The following SHANK2 variants were observed in gnomAD, a reference collection of about 807,000 sequenced individuals.
SHANK2 encodes the protein SH3 and multiple ankyrin repeat domains 2, also known as SH3 and multiple ankyrin repeat domains protein 2.
In SHANK2, 43 loss-of-function variants were observed where a neutral mutation model predicts 133.7. The observed-to-expected ratio is 0.32, with a 90% CI of 0.25 to 0.41. SHANK2 has a LOEUF of 0.41. Among genes scored for constraint, SHANK2 ranks in the 10% least tolerant of loss-of-function variants. SHANK2 has a pLI of 1.00. For synonymous variants in SHANK2, 1,017 were observed against 952.8 expected (o/e 1.07, Z -1.24); for missense variants, 1,994 against 2,235.8 (o/e 0.89, Z 2.18).
intron 11 of SHANK2, among the ~76,000 whole-genome samples, chr11:70,844,617 T>C (rs1948967449): frequency 6.6e-6 from 1 of 152,208 alleles, no homozygotes; most frequent in South Asian, 2.1e-4. Flanking sequence ...TACGTAATAT[T>C]CCTGGAGGAT....
chr11:70,655,762 TGGGTCGA>T (rs1555011424), intron 17 of SHANK2, among the ~76,000 whole-genome samples: 1 of 152,122 alleles, frequency 6.6e-6, no homozygotes, highest in East Asian at 1.9e-4. Flanking sequence ...TGCTTGTGTT[TGGGTCGA>T]GGAGACTTTA....
intron 17 of SHANK2, among the ~76,000 whole-genome samples, chr11:70,525,667 G>A (rs943576853): frequency 2.0e-5 from 3 of 152,016 alleles, no homozygotes; most frequent in Non-Finnish European, 2.9e-5. Flanking sequence ...CCAGGGGAAC[G>A]GAGCCCTGGC....
chr11:70,770,085 G>A (rs1457751207), intron 14 of SHANK2, among the ~76,000 whole-genome samples: 1 of 152,212 alleles, frequency 6.6e-6, no homozygotes, highest in Non-Finnish European at 1.5e-5. Flanking sequence ...GGCTCCCTCT[G>A]ATTCTGGTCG....
chr11:70,512,440 T>C (rs1320784034), intron 17 of SHANK2, among the ~76,000 whole-genome samples: 1 of 152,226 alleles, frequency 6.6e-6, no homozygotes, highest in Non-Finnish European at 1.5e-5. Context: ...CTATGTAAAA[T>C]CTATTCATAG....
chr11:70,524,300 C>T (rs2059368772), intron 17 of SHANK2, among the ~76,000 whole-genome samples: 1 of 152,216 alleles, frequency 6.6e-6, no homozygotes, highest in Non-Finnish European at 1.5e-5. Flanking sequence ...GTGTCGCTCA[C>T]ATCCACGCTC....
At chr11:70,934,687 T>C (rs1185358693) in intron 10 of SHANK2, among the ~76,000 whole-genome samples, 4 of 152,240 alleles carry the variant, frequency 2.6e-5, no homozygotes, top group Non-Finnish European at 4.4e-5. Flanking sequence ...AAAATGCTGC[T>C]GCTGAATATT....
At chr11:70,684,179 C>T (rs972829038) in intron 15 of SHANK2, among the ~76,000 whole-genome samples, 1 of 152,170 alleles carries the variant, frequency 6.6e-6, no homozygotes, top group Non-Finnish European at 1.5e-5. Flanking sequence ...CGGCCCCTCT[C>T]CCAGGGTCTT....
chr11:71,249,191 C>A (rs3020032), intron 1 of SHANK2, among the ~76,000 whole-genome samples: 3 of 152,024 alleles, frequency 2.0e-5, no homozygotes, highest in Non-Finnish European at 4.4e-5. Flanking sequence ...TTCATTCTCC[C>A]GGTGCCCAGG....
intron 1 of SHANK2, among the ~76,000 whole-genome samples, chr11:71,229,083 C>T (rs1380879751): frequency 6.6e-6 from 1 of 152,102 alleles, no homozygotes; most frequent in Non-Finnish European, 1.5e-5. Context: ...TGGGAATTTC[C>T]CCCACTTGAT....
At chr11:70,648,414 G>GT (rs2061297072) in intron 17 of SHANK2, among the ~76,000 whole-genome samples, 1 of 152,234 alleles carries the variant, frequency 6.6e-6, no homozygotes, top group South Asian at 2.1e-4. Context: ...GATAAGCCTT[G>GT]TTATGCGGAC....
chr11:70,489,532 G>T, intron 23 of SHANK2, 184 bp from the exon 24 acceptor site: 1 of 670,080 alleles, frequency 1.5e-6, no homozygotes, highest in East Asian at 2.6e-5. Context: ...CTTTTGCACA[G>T]CAGCCCAGAG....
rs2061467064 is a variant in SHANK2 at position 70,660,407 on chromosome 11, A to G, written c.1937-455T>C. Among the ~76,000 whole-genome samples the G allele has an allele frequency of 2.6e-5, 4 of 152,218 alleles. No homozygotes were observed. In the South Asian group the frequency reaches 8.3e-4, roughly 32 times the overall value. On this transcript the variant is annotated intron_variant, in intron 16 of 25. Transcript: ENST00000601538. ...CAACTTGGAACGCGGACGGAACATC[A>G]CGCTGACCCAGTGGGTGGCTACAGA...
At chr11:70,654,145 C>A (rs1323744015) in intron 17 of SHANK2, 2 of 152,192 alleles carry the variant, frequency 1.3e-5, no homozygotes, top group African/African-American at 4.8e-5. Context: ...AACCTATTTG[C>A]AGAAATTAAC....
intron 17 of SHANK2, among the ~76,000 whole-genome samples, chr11:70,642,300 G>A (rs1319505320): frequency 8.1e-6 from 1 of 123,632 alleles, no homozygotes; most frequent in Non-Finnish European, 1.6e-5. Flanking sequence ...TTAAAACTTT[G>A]ATTTTCCGTT....
At chr11:70,796,238 G>A (rs1323970788) in intron 14 of SHANK2, among the ~76,000 whole-genome samples, 3 of 152,156 alleles carry the variant, frequency 2.0e-5, no homozygotes. Context: ...CCACAGGAGA[G>A]AGGAGGAAGA....
Position 71,113,324 on chromosome 11 carries a change from T to C in SHANK2, c.452A>G (p.Asp151Gly). ...GTGGAGCTTGGCCAACTGTTTCTCATCGAGACTGGCTTGTTTATACACCCG... is the reference window on the plus strand; with the variant it reads ...GTGGAGCTTGGCCAACTGTTTCTCACCGAGACTGGCTTGTTTATACACCCG... ...KKRVYKQASL[D>G]EKQLAKLHTK... is the part of the protein sequence containing the mutation. Residue 151 changes from aspartate to glycine, a missense_variant, in exon 5 of 26, where the codon GAT (aspartate) becomes GGT (glycine). Asp to Gly is a moderately conservative substitution (Grantham distance 94). Around this residue, in one of 5 missense-constraint regions of SHANK2, gnomAD observed 653 missense variants for 563.4 expected, o/e 1.16. Transcript: ENST00000601538. 6.4e-7 allele frequency: 1 copy of C among 1,551,718 alleles called. No homozygotes were observed. The highest frequency in any genetic ancestry group is 8.7e-7 in the Non-Finnish European group (1 of 1,146,988).
intron 17 of SHANK2, among the ~76,000 whole-genome samples, chr11:70,645,524 G>T (rs1002688200): frequency 3.7e-4 from 56 of 152,170 alleles, no homozygotes; most frequent in African/African-American, 1.3e-3. Flanking sequence ...ATGTCTTCCC[G>T]GAAAAGATGA....
At chr11:71,173,339 G>C (rs1192829695) in intron 2 of SHANK2, among the ~76,000 whole-genome samples, 4 of 152,148 alleles carry the variant, frequency 2.6e-5, no homozygotes, top group Admixed American at 6.5e-5. Flanking sequence ...CCTGCTTTTG[G>C]AGCAGATGTA....
rs2058596366 is a variant in SHANK2 at position 70,471,384 on chromosome 11, A to G, written c.*1485T>C. 2.5e-6 allele frequency: 1 copy of G among 398,902 alleles called. No individual in the cohort carries two copies. 24.7% of individuals were successfully genotyped at this position (398,902 alleles called of 1,614,324 possible). A position where few individuals can be genotyped will look rare whatever the true frequency, so the allele number is the denominator to read the frequency against. On this transcript the variant is annotated 3_prime_UTR_variant, in exon 26 of 26. Coordinates refer to ENST00000601538, the MANE Select transcript of SHANK2 (RefSeq NM_012309.5). The surrounding 1 kb of genome is among the most constrained non-coding windows in gnomAD (Gnocchi z 4.1). ...TCCAAATGGGGGAGAATGTGCTGGA[A>G]GCCTGACTGTGTGTTTTGCGGCCCA...
Sources: gnomAD v4.1 joint callset for allele counts (sites outside exome capture counted in the v4.1 genomes callset) on GRCh38, gnomAD v4.1.1 for gene constraint, gnomAD v4.1.1 regional missense constraint, Gnocchi (gnomAD v3.1) non-coding constraint, MANE v1.5 for transcripts, NCBI Gene and HGNC (gene_info 2026-07-23, HGNC 2026-07-21) for gene names.